Variants in TG observed in about 807,000 individuals in gnomAD.
TG encodes the protein thyroglobulin, also known as thyroid hormones.
A neutral mutation model predicts 324.7 loss-of-function variants in TG; 270 were observed. The ratio of observed to expected loss-of-function variants is 0.83; its 90% CI spans 0.75 to 0.92. The LOEUF (loss-of-function observed/expected upper bound fraction) is 0.92, where lower values mean the gene tolerates loss of function less well. TG is among the 40% of genes least tolerant of loss of function. The pLI is 0.00. For synonymous variants in TG, 1,401 were observed against 1,327.0 expected, an observed-to-expected ratio of 1.06 and a Z score of -1.21; for missense variants, 3,591 against 3,456.4, an observed-to-expected ratio of 1.04 and a Z score of -0.98.
At chr8:133,053,807 C>T (rs1840865189) in intron 41 of TG, among the ~76,000 whole-genome samples, 1 of 152,140 alleles carries the variant, frequency 6.6e-6, no homozygotes, top group Non-Finnish European at 1.5e-5. Flanking sequence ...TTCACAATAA[C>T]AAAGTTAAGT....
At chr8:133,089,106 C>T (rs4273838) in intron 41 of TG, among the ~76,000 whole-genome samples, 1 of 152,026 alleles carries the variant, frequency 6.6e-6, no homozygotes, top group Non-Finnish European at 1.5e-5. Context: ...AGACATGGCA[C>T]TCTGGGTCAC....
intron 41 of TG, chr8:133,050,484 C>A: frequency 3.8e-6 from 1 of 261,338 alleles, no homozygotes; most frequent in Non-Finnish European, 7.4e-6. Flanking sequence ...ACCCTGGGGG[C>A]TGCCTTCCCG....
At position 133,022,098 on chromosome 8, in the gene TG, C is replaced by G. The variant is rs61745590; in HGVS notation, c.6984C>G (p.Leu2328=). The G allele has an allele frequency of 3.5e-3, 5,682 of 1,614,148 alleles. 175 individuals are homozygous for G. In the African/African-American group the frequency reaches 0.065, roughly 19 times the overall value. ...CCTTCTTGGCTGCTGTTGGCAACCT[C>G]ATCGTGGTCACTGCCAGCTACCGAG... ...DGSFLAAVGN[L]IVVTASYRVG... Residue 2328 remains leucine (L), a synonymous_variant, in exon 40 of 48, where the codon CTC becomes CTG. Coordinates refer to ENST00000220616, the MANE Select transcript of TG (RefSeq NM_003235.5).
intron 26 of TG, among the ~76,000 whole-genome samples, chr8:132,944,921 A>G (rs1825012332): frequency 6.6e-6 from 1 of 152,236 alleles, no homozygotes; most frequent in South Asian, 2.1e-4. Flanking sequence ...AAGAGGGTGC[A>G]GGATAAAGAA....
chr8:132,998,498 A>G (rs1256094697), intron 35 of TG, among the ~76,000 whole-genome samples: 1 of 152,194 alleles, frequency 6.6e-6, no homozygotes, highest in African/African-American at 2.4e-5. Context: ...CTGCAGGGAA[A>G]GAGAGCCCAT....
chr8:132,979,812 A>G lies in TG; in HGVS notation c.6200-3538A>G, dbSNP rs990990581. On this transcript the variant is annotated intron_variant, in intron 34 of 47. Coordinates refer to ENST00000220616, the MANE Select transcript of TG (RefSeq NM_003235.5). ...CCCTCTGTTCCAGTGATTCAATTCAATCCAGACACTAACTACCTGGATTTC... is the reference window on the plus strand; with the variant it reads ...CCCTCTGTTCCAGTGATTCAATTCAGTCCAGACACTAACTACCTGGATTTC... 2.2e-4 allele frequency among the ~76,000 whole-genome samples: 34 copies of G among 152,126 alleles called. 1 individual carries two copies. The highest frequency in any genetic ancestry group is 6.5e-4 in the African/African-American group (27 of 41,444).
chr8:132,895,278 C>T (rs912739194), intron 11 of TG, among the ~76,000 whole-genome samples: 1 of 152,256 alleles, frequency 6.6e-6, no homozygotes, highest in African/African-American at 2.4e-5. Context: ...CAGTCCTCCC[C>T]TGACAACATC....
At chr8:132,928,833 A>G (rs1189645410) in intron 22 of TG, among the ~76,000 whole-genome samples, 1 of 152,206 alleles carries the variant, frequency 6.6e-6, no homozygotes, top group Admixed American at 6.5e-5. Flanking sequence ...CTAACATTAA[A>G]TTTCCGCCTC....
intron 10 of TG, among the ~76,000 whole-genome samples, chr8:132,889,866 T>A (rs1815981837): frequency 6.6e-6 from 1 of 152,144 alleles, no homozygotes; most frequent in African/African-American, 2.4e-5. Flanking sequence ...AACCTCCGCC[T>A]CCCAAGTTCA....
At position 132,972,779 on chromosome 8, in the gene TG, T is replaced by C. The variant is rs755370906; in HGVS notation, c.6199+38T>C. ...CTCATGACAGCTATATGGACGTCTTTAGTTAACTATTTCCCAGCCATGCAT... is the reference window on the plus strand; with the variant it reads ...CTCATGACAGCTATATGGACGTCTTCAGTTAACTATTTCCCAGCCATGCAT... On this transcript the variant is annotated intron_variant, in intron 34 of 47. Coordinates refer to ENST00000220616, the MANE Select transcript of TG (RefSeq NM_003235.5). 3.7e-6 allele frequency: 6 copies of C among 1,613,224 alleles called. No individual in the cohort carries two copies. The Admixed American group carries it at 6.7e-5, about 18-fold the overall frequency.
chr8:133,051,352 C>A (rs1840369282), intron 41 of TG, among the ~76,000 whole-genome samples: 1 of 152,164 alleles, frequency 6.6e-6, no homozygotes, highest in African/African-American at 2.4e-5. Context: ...AAAAACCCCC[C>A]TTCTCACTAC....
intron 35 of TG, among the ~76,000 whole-genome samples, chr8:132,990,289 T>C (rs747761132): frequency 2.6e-5 from 4 of 152,020 alleles, no homozygotes; most frequent in Non-Finnish European, 4.4e-5. Context: ...TTTTTTGCTC[T>C]TATTTTTAGT....
chr8:132,961,797 T>C (rs891626898), intron 28 of TG, among the ~76,000 whole-genome samples: 1 of 152,128 alleles, frequency 6.6e-6, no homozygotes, highest in Admixed American at 6.5e-5. Context: ...ATTACTTCCT[T>C]CCTGTTCCCC....
At chr8:133,131,982 G>T (rs370195980) in intron 46 of TG, 36 bp downstream of exon 46, 24 of 1,613,484 alleles carry the variant, frequency 1.5e-5, no homozygotes, top group African/African-American at 8.0e-5. Flanking sequence ...TTCTGTCACT[G>T]TGCTTTTCCT....
At chr8:132,886,106 T>A (rs962190857) in intron 8 of TG, among the ~76,000 whole-genome samples, 4 of 152,146 alleles carry the variant, frequency 2.6e-5, no homozygotes, top group Admixed American at 1.3e-4. Context: ...CATGTCTGTG[T>A]GTGGTGGGGG....
chr8:132,917,157 C>T (rs917342661), intron 20 of TG, among the ~76,000 whole-genome samples: 1 of 151,712 alleles, frequency 6.6e-6, no homozygotes, highest in African/African-American at 2.4e-5. Context: ...ATGTTACACA[C>T]TCAGGGAGGC....
At chr8:132,913,411 A>G (rs1004361758) in intron 20 of TG, 146 bp downstream of exon 20, 48 of 810,758 alleles carry the variant, frequency 5.9e-5, no homozygotes, top group Non-Finnish European at 2.1e-5. Flanking sequence ...TCAATCATCT[A>G]CTATGCATGG....
At chr8:133,084,900 G>A (rs1284490876) in intron 41 of TG, among the ~76,000 whole-genome samples, 2 of 152,234 alleles carry the variant, frequency 1.3e-5, no homozygotes, top group Non-Finnish European at 2.9e-5. Flanking sequence ...CATAGAGGGT[G>A]GGTAGTGTCA....
chr8:133,093,329 C>G (rs1019767507), intron 41 of TG, among the ~76,000 whole-genome samples: 1 of 152,016 alleles, frequency 6.6e-6, no homozygotes, highest in Non-Finnish European at 1.5e-5. Context: ...TGCTGCTTAT[C>G]AGAGGATCCT....
Sources: allele counts gnomAD v4.1 joint callset (sites outside exome capture counted in the v4.1 genomes callset), GRCh38; gene constraint gnomAD v4.1.1; transcripts MANE v1.5; gene names NCBI Gene and HGNC (gene_info 2026-07-23, HGNC 2026-07-21).